Variants in MREG observed in about 807,000 individuals in gnomAD.
The protein encoded by MREG is melanoregulin, also known as dilute suppressor protein homolog.
Under a neutral mutation model 28.5 loss-of-function variants are expected in MREG, and 31 were observed. The ratio of observed to expected loss-of-function variants is 1.09; its 90% CI spans 0.82 to 1.47. MREG has a LOEUF of 1.47. MREG is among the 40% of genes most tolerant of loss of function. MREG has a pLI of 0.00. For synonymous variants in MREG, 106 were observed against 95.2 expected (o/e 1.11, Z -0.66); for missense variants, 256 against 257.4 (o/e 0.99, Z 0.04).
At chr2:215,999,547 G>A (rs2106020722) in intron 1 of MREG, among the ~76,000 whole-genome samples, 1 of 152,310 alleles carries the variant, frequency 6.6e-6, no homozygotes, top group Middle Eastern at 3.4e-3. Context: ...CTTTGTTAGA[G>A]CTAGAAGGAA....
intron 3 of MREG, 104 bp downstream of exon 3, chr2:215,946,919 A>G (rs570346332): frequency 4.2e-6 from 3 of 707,622 alleles, no homozygotes; most frequent in South Asian, 3.4e-5. Context: ...AGTCTTAATT[A>G]GGCAATTATT....
chr2:215,973,909 C>A (rs1693172746), intron 2 of MREG, among the ~76,000 whole-genome samples: 1 of 152,222 alleles, frequency 6.6e-6, no homozygotes, highest in Non-Finnish European at 1.5e-5. Context: ...GGCTCCAACA[C>A]ACTTCTTGCA....
chr2:215,947,782 G>T (rs1692360203), intron 2 of MREG, among the ~76,000 whole-genome samples: 1 of 152,170 alleles, frequency 6.6e-6, no homozygotes, highest in Admixed American at 6.5e-5. Context: ...TTGATAGGAT[G>T]AATCTGTCAC....
intron 1 of MREG, among the ~76,000 whole-genome samples, chr2:216,030,724 TC>T (rs1694667037): frequency 9.1e-6 from 1 of 110,072 alleles, no homozygotes; most frequent in East Asian, 2.6e-4. Context: ...TGTATTTCTT[TC>T]TTTCTTTTTT....
At chr2:215,962,342 T>G (rs1007678268) in intron 2 of MREG, among the ~76,000 whole-genome samples, 2 of 152,174 alleles carry the variant, frequency 1.3e-5, no homozygotes, top group Non-Finnish European at 2.9e-5. Context: ...CCACCTCACG[T>G]ACAGTTTAGG....
chr2:216,031,528 AAAG>A (rs1380144920), intron 1 of MREG, among the ~76,000 whole-genome samples: 3 of 149,528 alleles, frequency 2.0e-5, no homozygotes, highest in Non-Finnish European at 1.5e-5. Flanking sequence ...AGGGAAAAGA[AAAG>A]AAAGAAGGAA....
chr2:216,015,239 T>A (rs78458434), upstream of MREG, among the ~76,000 whole-genome samples: 84 of 151,670 alleles, frequency 5.5e-4, no homozygotes, highest in South Asian at 1.9e-3. Flanking sequence ...GCCTGCACTT[T>A]TAAATGAGGT....
At chr2:216,007,340 C>T (rs1694181047) in intron 1 of MREG, among the ~76,000 whole-genome samples, 1 of 152,184 alleles carries the variant, frequency 6.6e-6, no homozygotes, top group African/African-American at 2.4e-5. Flanking sequence ...AGGCAACACT[C>T]AGGCTTCTTG....
At chr2:215,977,110 T>C (rs1051379948) in intron 2 of MREG, among the ~76,000 whole-genome samples, 2 of 152,124 alleles carry the variant, frequency 1.3e-5, no homozygotes, top group African/African-American at 4.8e-5. Context: ...TCATGACCCA[T>C]CAGGGTGCTG....
At position 216,013,229 on chromosome 2, in the gene MREG, C is replaced by T; in HGVS notation, c.95+4G>A. 1 of 1,548,804 alleles carries T rather than the reference C, an allele frequency of 6.5e-7. No individual in the cohort carries two copies. The highest frequency in any genetic ancestry group is 8.7e-7 in the Non-Finnish European group (1 of 1,146,550). On this transcript the variant is annotated splice_donor_region_variant and intron_variant, in intron 1 of 4. Transcript: ENST00000263268. ...CCAGATCCCGGCCCGGGCGGCGCAC[C>T]CACCTGACGAGGGGCTCCTTCTCAG...
chr2:215,967,129 C>T (rs559350591), intron 2 of MREG, among the ~76,000 whole-genome samples: 38 of 152,256 alleles, frequency 2.5e-4, no homozygotes, highest in Middle Eastern at 3.4e-3. Context: ...AGTCTTTCCT[C>T]GTTATTATAG....
chr2:215,941,569 A>G (rs1692198008), downstream of MREG: 1 of 152,204 alleles, frequency 6.6e-6, no homozygotes, highest in African/African-American at 2.4e-5. Context: ...TCATTGCCAT[A>G]CACACTTGCA....
chr2:216,009,876 T>C (rs979558222), intron 1 of MREG, among the ~76,000 whole-genome samples: 4 of 152,156 alleles, frequency 2.6e-5, no homozygotes, highest in African/African-American at 9.7e-5. Context: ...CTCTTATCAC[T>C]GATGGAAGAA....
intron 2 of MREG, among the ~76,000 whole-genome samples, chr2:215,992,295 C>A (rs746317377): frequency 1.1e-4 from 17 of 152,158 alleles, no homozygotes; most frequent in African/African-American, 3.4e-4. Flanking sequence ...ATAACAAAAA[C>A]CACATGATTA....
At chr2:215,979,716 C>T (rs1385963888) in intron 2 of MREG, among the ~76,000 whole-genome samples, 1 of 151,500 alleles carries the variant, frequency 6.6e-6, no homozygotes, top group Non-Finnish European at 1.5e-5. Context: ...AAAAGACTGC[C>T]TTGAGAAGCC....
chr2:215,996,391 T>TG lies in MREG; in HGVS notation c.169dup (p.His57ProfsTer2). 6.2e-7 allele frequency: 1 copy of TG among 1,613,744 alleles called. No homozygotes were observed. The highest frequency in any genetic ancestry group is 8.5e-7 in the Non-Finnish European group (1 of 1,179,628). On this transcript the variant is annotated frameshift_variant, in exon 2 of 5. Transcript: ENST00000263268. LOFTEE classifies it high-confidence loss of function. ...GTCTGCCTCTGTGTGGGACACATCATGGGGCATACTCCATAAATTCTTCTC... is the reference window on the plus strand; with the variant it reads ...GTCTGCCTCTGTGTGGGACACATCATGGGGGCATACTCCATAAATTCTTCTC...
At chr2:215,979,076 T>C (rs898071732) in intron 2 of MREG, among the ~76,000 whole-genome samples, 18 of 152,202 alleles carry the variant, frequency 1.2e-4, no homozygotes, top group African/African-American at 3.9e-4. Flanking sequence ...CAATCACACA[T>C]TGGAGTTTTC....
intron 2 of MREG, among the ~76,000 whole-genome samples, chr2:215,963,418 A>T (rs1265481809): frequency 3.4e-5 from 5 of 147,798 alleles, no homozygotes; most frequent in African/African-American, 1.3e-4. Context: ...CCTGAGTGAT[A>T]GAGTGAGAAC....
chr2:215,940,855 G>A (rs61260960), downstream of MREG, among the ~76,000 whole-genome samples: 2,104 of 152,206 alleles, frequency 0.014, 43 homozygotes, highest in African/African-American at 0.048. Context: ...GTGTGTGCGC[G>A]CGTGTGTGTG....
Sources: allele counts gnomAD v4.1 joint callset (sites outside exome capture counted in the v4.1 genomes callset), GRCh38; gene constraint gnomAD v4.1.1; transcripts MANE v1.5; gene names NCBI Gene and HGNC (gene_info 2026-07-23, HGNC 2026-07-21).